The following KAZN variants were observed in gnomAD, a reference collection of about 807,000 sequenced individuals.
KAZN encodes the protein kazrin.
KAZN carries 40 observed loss-of-function variants against 87.4 expected under a neutral mutation model. That is an observed-to-expected ratio of 0.46 (90% CI 0.36 to 0.60). The LOEUF (loss-of-function observed/expected upper bound fraction) is 0.60, where lower values mean the gene tolerates loss of function less well. Ranked by LOEUF, KAZN falls within the 20% of genes least tolerant of loss-of-function variation. KAZN has a pLI of 0.00. For synonymous variants in KAZN, 466 were observed against 458.3 expected, an observed-to-expected ratio of 1.02 and a Z score of -0.22; for missense variants, 898 against 1,073.9, an observed-to-expected ratio of 0.84 and a Z score of 2.29.
chr1:14,777,846 T>C (rs1434986577), intron 1 of KAZN, among the ~76,000 whole-genome samples: 3 of 152,138 alleles, frequency 2.0e-5, no homozygotes, highest in Non-Finnish European at 2.9e-5. Context: ...TTTTAGACCA[T>C]ATAGGGTAAC....
chr1:15,049,809 G>T (rs568421636), intron 4 of KAZN, among the ~76,000 whole-genome samples: 1 of 152,138 alleles, frequency 6.6e-6, no homozygotes, highest in Non-Finnish European at 1.5e-5. Context: ...TGGATCACCT[G>T]AGGTCAGGAG....
intron 1 of KAZN, among the ~76,000 whole-genome samples, chr1:14,691,658 T>C (rs1273549559): frequency 6.6e-6 from 1 of 152,114 alleles, no homozygotes; most frequent in Non-Finnish European, 1.5e-5. Flanking sequence ...AGCTACTTTT[T>C]ATATTTTTAG....
chr1:14,706,483 G>T (rs1224720162), intron 1 of KAZN, among the ~76,000 whole-genome samples: 1 of 150,936 alleles, frequency 6.6e-6, no homozygotes, highest in Non-Finnish European at 1.5e-5. Context: ...GACATTGAAT[G>T]TTCCCAACAC....
chr1:14,961,412 T>C (rs1416740176), intron 2 of KAZN, among the ~76,000 whole-genome samples: 1 of 152,180 alleles, frequency 6.6e-6, no homozygotes, highest in East Asian at 1.9e-4. Flanking sequence ...GTGGCTGGTG[T>C]GTCTTCAGCC....
intron 1 of KAZN, among the ~76,000 whole-genome samples, chr1:14,685,599 G>A (rs1048960027): frequency 9.9e-5 from 15 of 152,218 alleles, no homozygotes; most frequent in African/African-American, 3.1e-4. Flanking sequence ...CAAATCGTTC[G>A]CCTGCTCAGA....
chr1:14,774,355 C>A (rs1199577882), intron 1 of KAZN, among the ~76,000 whole-genome samples: 1 of 152,154 alleles, frequency 6.6e-6, no homozygotes, highest in Non-Finnish European at 1.5e-5. Flanking sequence ...TCCCAGTGCC[C>A]TGAACATACA....
chr1:14,189,786 G>C (rs1248788916), intron 2 of KAZN, among the ~76,000 whole-genome samples: 1 of 152,056 alleles, frequency 6.6e-6, no homozygotes, highest in African/African-American at 2.4e-5. Context: ...ATCACCAAGA[G>C]GTATAAAATA....
At chr1:15,112,597 T>TTTTCTTCTCCCAGCGGCAGGTCTTTTG in intron 14 of KAZN, 56 bp downstream of exon 14, 1 of 1,249,744 alleles carries the variant, frequency 8.0e-7, no homozygotes, top group Non-Finnish European at 1.1e-6. Context: ...AAGGTCTTTT[T>TTTTCTTCTCCCAGCGGCAGGTCTTTTG]TTCTCCTCCC....
chr1:14,594,020 TTC>T (rs1180119542), upstream of KAZN, among the ~76,000 whole-genome samples: 1 of 152,198 alleles, frequency 6.6e-6, no homozygotes, highest in Non-Finnish European at 1.5e-5. Context: ...GGGTCTCTCT[TTC>T]TCTGTCTGTA....
At chr1:14,138,900 A>G (rs1645170402) in intron 1 of KAZN, among the ~76,000 whole-genome samples, 1 of 152,158 alleles carries the variant, frequency 6.6e-6, no homozygotes, top group Admixed American at 6.5e-5. Flanking sequence ...TTTACACATC[A>G]CATGCCTGGT....
intron 1 of KAZN, among the ~76,000 whole-genome samples, chr1:14,123,254 G>A (rs1644789461): frequency 6.6e-6 from 1 of 152,122 alleles, no homozygotes; most frequent in African/African-American, 2.4e-5. Context: ...ACACACAGAG[G>A]CATGACTTTT....
At chr1:13,933,669 A>C (rs1456115157) in intron 1 of KAZN, among the ~76,000 whole-genome samples, 1 of 152,226 alleles carries the variant, frequency 6.6e-6, no homozygotes, top group Non-Finnish European at 1.5e-5. Flanking sequence ...ACAGGCTAAT[A>C]TTTGCTGAAT....
chr1:14,093,144 C>T (rs1210859730), intron 1 of KAZN, among the ~76,000 whole-genome samples: 2 of 152,204 alleles, frequency 1.3e-5, no homozygotes, highest in African/African-American at 2.4e-5. Context: ...TCCTCTCCCT[C>T]GCCACATGTC....
At chr1:14,461,384 T>C (rs1667841775) in intron 2 of KAZN, among the ~76,000 whole-genome samples, 1 of 152,150 alleles carries the variant, frequency 6.6e-6, no homozygotes, top group Admixed American at 6.5e-5. Context: ...CGAGATCTGA[T>C]GCTTTTATAA....
At chr1:14,433,981 G>A (rs767912736) in intron 2 of KAZN, among the ~76,000 whole-genome samples, 1 of 152,252 alleles carries the variant, frequency 6.6e-6, no homozygotes, top group Non-Finnish European at 1.5e-5. Flanking sequence ...CAGGAAGGGG[G>A]ATCTCACCAG....
At chr1:14,804,436 A>G (rs1446397218) in intron 1 of KAZN, among the ~76,000 whole-genome samples, 1 of 152,160 alleles carries the variant, frequency 6.6e-6, no homozygotes, top group Non-Finnish European at 1.5e-5. Context: ...CTCCCATGCC[A>G]GGAACAGAGG....
At chr1:14,736,033 C>T (rs148235820) in intron 1 of KAZN, among the ~76,000 whole-genome samples, 18 of 152,298 alleles carry the variant, frequency 1.2e-4, no homozygotes, top group African/African-American at 4.3e-4. Context: ...GACAGGCCGT[C>T]GGTCCACCTG....
intron 2 of KAZN, among the ~76,000 whole-genome samples, chr1:14,400,172 T>C (rs1663279685): frequency 6.6e-6 from 1 of 152,116 alleles, no homozygotes; most frequent in African/African-American, 2.4e-5. Context: ...GGGAGCTCCA[T>C]TTGTTCACAT....
chr1:14,141,489 A>G (rs1219549504), intron 1 of KAZN, among the ~76,000 whole-genome samples: 2 of 131,652 alleles, frequency 1.5e-5, no homozygotes, highest in East Asian at 2.0e-4. Flanking sequence ...GCTCATTTAC[A>G]GTAATAAAAA....
Sources: allele counts gnomAD v4.1 joint callset (sites outside exome capture counted in the v4.1 genomes callset), GRCh38; gene constraint gnomAD v4.1.1; transcripts MANE v1.5; gene names NCBI Gene and HGNC (gene_info 2026-07-23, HGNC 2026-07-21).